Variants in ALDH1A1 observed in about 807,000 individuals in gnomAD.
ALDH1A1 encodes the protein aldehyde dehydrogenase 1A1.
In ALDH1A1, 19 loss-of-function variants were observed where a neutral mutation model predicts 62.1. The ratio of observed to expected loss-of-function variants is 0.31; its 90% CI spans 0.21 to 0.45. The LOEUF is 0.45. Among genes scored for constraint, ALDH1A1 ranks in the 20% least tolerant of loss-of-function variants. The pLI is 1.00. For missense variants in ALDH1A1, 521 were observed against 607.1 expected (o/e 0.86, Z 1.49); for synonymous variants, 231 against 215.9 (o/e 1.07, Z -0.61).
intron 7 of ALDH1A1, among the ~76,000 whole-genome samples, chr9:72,919,818 T>A (rs958471394): frequency 2.0e-5 from 3 of 152,206 alleles, no homozygotes; most frequent in Non-Finnish European, 2.9e-5. Flanking sequence ...ATCCTACAGT[T>A]CTGGTTTCTT....
intron 7 of ALDH1A1, among the ~76,000 whole-genome samples, chr9:72,920,490 T>G (rs905503583): frequency 2.0e-5 from 3 of 152,218 alleles, no homozygotes; most frequent in Non-Finnish European, 4.4e-5. Context: ...TTTTTTTATT[T>G]GTTTAATTTA....
chr9:72,905,618 C>A (rs898879664), intron 12 of ALDH1A1, among the ~76,000 whole-genome samples: 4 of 152,094 alleles, frequency 2.6e-5, no homozygotes, highest in African/African-American at 9.7e-5. Flanking sequence ...ATCACCAATG[C>A]ATAGTTTCCA....
At chr9:72,952,596 G>C (rs1487566799) in intron 1 of ALDH1A1, among the ~76,000 whole-genome samples, 2 of 151,878 alleles carry the variant, frequency 1.3e-5, no homozygotes, top group African/African-American at 2.4e-5. Context: ...AGCTTCTCTA[G>C]TGAGTATTTT....
intron 11 of ALDH1A1, among the ~76,000 whole-genome samples, chr9:72,907,919 A>C (rs17058224): frequency 0.073 from 11,063 of 152,302 alleles, 548 homozygotes; most frequent in African/African-American, 0.13. Context: ...AATTTTATTT[A>C]AGAGTCTCCC....
intron 1 of ALDH1A1, 25 bp from the exon 2 acceptor site, chr9:72,940,277 T>A (rs757066235): frequency 4.5e-6 from 7 of 1,560,334 alleles, no homozygotes; most frequent in Middle Eastern, 3.4e-4. Flanking sequence ...AGAAAATACA[T>A]ACAAGGCGCT....
chr9:72,901,942 A>G (rs1460285283), intron 12 of ALDH1A1, among the ~76,000 whole-genome samples: 2 of 152,090 alleles, frequency 1.3e-5, no homozygotes, highest in African/African-American at 2.4e-5. Context: ...CAAAACAAAA[A>G]CATGACCTTT....
chr9:72,935,045 A>C (rs1443251632), intron 2 of ALDH1A1, among the ~76,000 whole-genome samples: 1 of 152,192 alleles, frequency 6.6e-6, no homozygotes, highest in Non-Finnish European at 1.5e-5. Flanking sequence ...TAAACTCATC[A>C]TGTTGTACTG....
intron 9 of ALDH1A1, among the ~76,000 whole-genome samples, chr9:72,912,571 G>A (rs777205304): frequency 7.2e-5 from 11 of 152,136 alleles, no homozygotes; most frequent in Non-Finnish European, 1.3e-4. Context: ...ACTGTTCTTA[G>A]AAGACTCCCG....
intron 2 of ALDH1A1, among the ~76,000 whole-genome samples, chr9:72,939,452 A>G (rs1204559139): frequency 6.6e-6 from 1 of 152,198 alleles, no homozygotes; most frequent in East Asian, 1.9e-4. Context: ...ACTTAGTAAT[A>G]TATTGTTCTA....
chr9:72,925,499 T>A lies in ALDH1A1; in HGVS notation c.618A>T (p.Ala206=), dbSNP rs760357552. The change falls in exon 6 of 13, where the codon GCA becomes GCT. Residue 206 remains alanine, a synonymous_variant. Coordinates refer to ENST00000297785, the MANE Select transcript of ALDH1A1 (RefSeq NM_000689.5). ...GGAGACTTACCTCTTTTATTAAAGA[T>A]GCCACGTGGAGAGCAGTGAGAGGAG... is the stretch of plus-strand genomic sequence containing the variant. ...EQTPLTALHV[A]SLIKEAGFPP... The A allele has an allele frequency of 6.2e-7, 1 of 1,613,438 alleles. No homozygotes were observed. The highest frequency in any genetic ancestry group is 1.1e-5 in the South Asian group (1 of 90,932).
At chr9:72,952,378 C>T (rs909531169) in intron 1 of ALDH1A1, among the ~76,000 whole-genome samples, 2 of 151,952 alleles carry the variant, frequency 1.3e-5, no homozygotes, top group African/African-American at 4.8e-5. Context: ...ACAAACTTGG[C>T]TGAAGAAATA....
In ALDH1A1 at chr9:72,918,717, C is replaced by T. The variant is rs367697812; in HGVS notation, c.850+3G>A. 3 of 1,512,184 alleles carry T rather than the reference C, an allele frequency of 2.0e-6. No homozygotes were observed. The highest frequency in any genetic ancestry group is 1.8e-6 in the Non-Finnish European group (2 of 1,119,472). 93.7% of individuals were successfully genotyped at this position (1,512,184 alleles called of 1,614,324 possible). ...AAAAGTTAACAAAGTGGTTTCTACT[C>T]ACAGTCGGCATCAGCTAACACAATG... On this transcript the variant is annotated splice_donor_region_variant and intron_variant, in intron 8 of 12. Transcript: ENST00000297785.
chr9:72,933,385 T>A (rs145290272), intron 2 of ALDH1A1, among the ~76,000 whole-genome samples: 192 of 152,032 alleles, frequency 1.3e-3, no homozygotes, highest in African/African-American at 4.3e-3. Context: ...ATGAAATATG[T>A]TGTGGCATGA....
At chr9:72,923,980 C>G in intron 7 of ALDH1A1, 39 bp downstream of exon 7, 1 of 1,377,476 alleles carries the variant, frequency 7.3e-7, no homozygotes, top group Non-Finnish European at 1.0e-6. Flanking sequence ...GCTGGCAATG[C>G]AGACATTCTT....
intron 11 of ALDH1A1, among the ~76,000 whole-genome samples, chr9:72,907,144 G>A (rs1829887411): frequency 6.6e-6 from 1 of 152,112 alleles, no homozygotes; most frequent in Non-Finnish European, 1.5e-5. Context: ...CATTCTCACT[G>A]GACCATAAAG....
At chr9:72,902,467 A>C (rs1436942337) in intron 12 of ALDH1A1, among the ~76,000 whole-genome samples, 2 of 152,002 alleles carry the variant, frequency 1.3e-5, no homozygotes, top group Non-Finnish European at 2.9e-5. Context: ...TGGGCAATTA[A>C]GCTTTTGAAA....
intron 11 of ALDH1A1, among the ~76,000 whole-genome samples, chr9:72,908,560 AAAGAAAG>A (rs1234200067): frequency 3.7e-4 from 3 of 8,208 alleles, no homozygotes; most frequent in African/African-American, 8.7e-4. Context: ...AAGAAGAAAG[AAAGAAAG>A]AAAGAAAGAA....
chr9:72,932,020 C>T (rs910793286), intron 2 of ALDH1A1, among the ~76,000 whole-genome samples: 2 of 152,074 alleles, frequency 1.3e-5, no homozygotes, highest in African/African-American at 4.8e-5. Flanking sequence ...CAAATATTGC[C>T]CTGACCACTC....
rs1830195086 is a variant in ALDH1A1, at chr9:72,925,589, G to A, written c.528C>T (p.Leu176=). The change falls in exon 6 of 13, where the codon CTC becomes CTT. Residue 176 remains leucine, a synonymous_variant. Coordinates refer to ENST00000297785, the MANE Select transcript of ALDH1A1 (RefSeq NM_000689.5). ...TCAGTGCAGGCCCTATCTTCCAAATGAGCATAACCAACGGGAAATTCCACT... is the reference window on the plus strand; with the variant it reads ...TCAGTGCAGGCCCTATCTTCCAAATAAGCATAACCAACGGGAAATTCCACT... The part of the protein sequence containing the change: ...IIPWNFPLVM[L]IWKIGPALSC... 1 of 1,612,698 alleles carries A rather than the reference G, an allele frequency of 6.2e-7. No homozygotes were observed. The highest frequency in any genetic ancestry group is 1.3e-5 in the African/African-American group (1 of 74,796).
Sources: gnomAD v4.1 joint callset for allele counts (sites outside exome capture counted in the v4.1 genomes callset) on GRCh38, gnomAD v4.1.1 for gene constraint, MANE v1.5 for transcripts, NCBI Gene and HGNC (gene_info 2026-07-23, HGNC 2026-07-21) for gene names.